Variants in FANCA observed in about 807,000 individuals in gnomAD.
FANCA encodes Fanconi anemia group A protein.
In FANCA, 236 loss-of-function variants were observed where a neutral mutation model predicts 194.3. The observed-to-expected ratio is 1.21, with a 90% CI of 1.09 to 1.35. The LOEUF is 1.35. Among genes scored for constraint, FANCA ranks in the 40% most tolerant of loss-of-function variants. The probability of loss-of-function intolerance (pLI) is 0.00; values close to 1 mark genes in which losing one functional copy is unlikely to be tolerated. For missense variants in FANCA, 2,628 were observed against 1,813.9 expected (o/e 1.45, Z -8.15); for synonymous variants, 1,014 against 715.8 (o/e 1.42, Z -6.65).
Position 89,789,704 on chromosome 16 carries a change from G to A in FANCA, c.1359+1699C>T, listed in dbSNP as rs527243953. 2.9e-4 allele frequency among the ~76,000 whole-genome samples: 44 copies of A among 152,158 alleles called. No individual in the cohort carries two copies. The Middle Eastern group carries it at 0.014, about 47-fold the overall frequency. On this transcript the variant is annotated intron_variant, in intron 14 of 42. Coordinates refer to ENST00000389301, the MANE Select transcript of FANCA (RefSeq NM_000135.4). The stretch of plus-strand genomic sequence containing the variant: ...TCCTCCTGCCTAGGCCTCCCAAACT[G>A]CTGAGATTACAGGCATGAGCCACTG...
At chr16:89,758,335 C>T (rs1015108516) in intron 30 of FANCA, among the ~76,000 whole-genome samples, 21 of 152,242 alleles carry the variant, frequency 1.4e-4, no homozygotes, top group African/African-American at 5.1e-4. Flanking sequence ...AGTAAGGCCT[C>T]ATCGGTGTGT....
Position 89,767,238 on chromosome 16 carries a change from C to G in FANCA, c.2505-1G>C, listed in dbSNP as rs1438990537. 1.2e-6 allele frequency: 2 copies of G among 1,600,024 alleles called. No homozygotes were observed. The highest frequency in any genetic ancestry group is 2.2e-5 in the South Asian group (2 of 90,838). ...GTAAGAAATTGCTGCTGTACAAAAT[C>G]TGAAAACAGAAATTATAACATATAA... is the stretch of plus-strand genomic sequence containing the variant. On this transcript the variant is annotated splice_acceptor_variant, in intron 26 of 42. Transcript: ENST00000389301. LOFTEE classifies it high-confidence loss of function.
chr16:89,815,338 T>C (rs1030341568), intron 2 of FANCA, among the ~76,000 whole-genome samples: 9 of 24,754 alleles, frequency 3.6e-4, no homozygotes, highest in Non-Finnish European at 5.8e-4. Context: ...CGCCCGGCTT[T>C]TTTTTTTTTT....
chr16:89,743,750 G>A (rs184033033), intron 36 of FANCA, among the ~76,000 whole-genome samples: 2 of 152,230 alleles, frequency 1.3e-5, no homozygotes, highest in African/African-American at 4.8e-5. Flanking sequence ...TTGAACCTGG[G>A]AGGCGGAGGT....
At chr16:89,754,818 T>C (rs1245914703) in intron 30 of FANCA, among the ~76,000 whole-genome samples, 2 of 152,194 alleles carry the variant, frequency 1.3e-5, no homozygotes, top group Admixed American at 6.5e-5. Flanking sequence ...AGACTCGCTA[T>C]CACTGAGATG....
At chr16:89,770,291 A>G in intron 24 of FANCA, 32 bp from the exon 25 acceptor site, 1 of 1,521,284 alleles carries the variant, frequency 6.6e-7, no homozygotes, top group Middle Eastern at 1.9e-4. Flanking sequence ...CATCAGTACT[A>G]GCCATTCAGT....
At chr16:89,753,411 G>C (rs966789565) in intron 30 of FANCA, among the ~76,000 whole-genome samples, 1 of 152,070 alleles carries the variant, frequency 6.6e-6, no homozygotes, top group East Asian at 1.9e-4. Context: ...CTCTCTCATC[G>C]CCGCACACAG....
At chr16:89,763,094 A>T (rs1345809169) in intron 28 of FANCA, among the ~76,000 whole-genome samples, 4 of 151,464 alleles carry the variant, frequency 2.6e-5, no homozygotes, top group Non-Finnish European at 4.4e-5. Flanking sequence ...AAAAATACAA[A>T]AAGTTAGCTG....
chr16:89,780,228 G>C (rs570097006), intron 17 of FANCA, among the ~76,000 whole-genome samples: 3 of 152,258 alleles, frequency 2.0e-5, no homozygotes, highest in Admixed American at 1.3e-4. Context: ...GCTCAGCTCT[G>C]CTGAGAGCCT....
At chr16:89,746,289 C>T (rs2038384923) in intron 35 of FANCA, among the ~76,000 whole-genome samples, 1 of 152,234 alleles carries the variant, frequency 6.6e-6, no homozygotes, top group Admixed American at 6.5e-5. Flanking sequence ...CAAACAAGCC[C>T]TGCACCCCTG....
At chr16:89,760,085 T>A (rs891064678) in intron 29 of FANCA, among the ~76,000 whole-genome samples, 2 of 152,204 alleles carry the variant, frequency 1.3e-5, no homozygotes, top group African/African-American at 4.8e-5. Flanking sequence ...ACTTAAGTAA[T>A]TCAGAAAAGA....
intron 33 of FANCA, among the ~76,000 whole-genome samples, chr16:89,748,131 C>T (rs1389977919): frequency 1.3e-5 from 2 of 152,164 alleles, no homozygotes; most frequent in South Asian, 2.1e-4. Flanking sequence ...AGGCTGGTCT[C>T]GAACTCCTGG....
chr16:89,791,117 A>C (rs2040060164), intron 14 of FANCA: 1 of 438,774 alleles, frequency 2.3e-6, no homozygotes, highest in Non-Finnish European at 4.2e-6. Flanking sequence ...AGACAGCAGG[A>C]GGCTCCGTCA....
At chr16:89,777,857 T>C (rs956781777) in intron 20 of FANCA, among the ~76,000 whole-genome samples, 1 of 151,834 alleles carries the variant, frequency 6.6e-6, no homozygotes, top group African/African-American at 2.4e-5. Context: ...ACTGAAACAT[T>C]TTCTTTCACT....
intron 7 of FANCA, among the ~76,000 whole-genome samples, chr16:89,804,865 C>G (rs1256969731): frequency 1.3e-5 from 2 of 151,882 alleles, no homozygotes; most frequent in East Asian, 3.9e-4. Context: ...AACCCCGTCT[C>G]TACTAAAAAT....
In FANCA at chr16:89,737,735, CAT is replaced by C. The variant is rs1269280347; in HGVS notation, c.*864_*865del. 4.4e-6 allele frequency: 7 copies of C among 1,604,058 alleles called. No individual in the cohort carries two copies. Among genetic ancestry groups the C allele is most frequent in the Non-Finnish European group, 6.0e-6 (7 of 1,172,782 alleles). On this transcript the variant is annotated 3_prime_UTR_variant, in exon 43 of 43. Transcript: ENST00000389301. The stretch of plus-strand genomic sequence containing the variant: ...TGTCTTCCCAGCTGTGATGGTTTCA[CAT>C]TGTCATCGTCGTCCCCCCGGGAGGT...
At chr16:89,799,478 T>G (rs2040365433) in intron 9 of FANCA, 127 bp downstream of exon 9, 1 of 1,049,018 alleles carries the variant, frequency 9.5e-7, no homozygotes, top group African/African-American at 1.6e-5. Context: ...GGCATTCCAG[T>G]ACCAGGACTC....
Position 89,782,918 on chromosome 16 carries a change from C to G in FANCA, c.1567G>C (p.Val523Leu), listed in dbSNP as rs757157897. The part of the protein sequence containing the change: ...LAKTRLADLK[V>L]SIENMGLYED... ...TAGAGTCCCATGTTTTCTATAGAAA[C>G]CTTCAGGGAAGACACAGAATGAGAA... Residue 523 changes from valine to leucine, a missense_variant and splice_region_variant, in exon 17 of 43, where the codon GTT becomes CTT. Coordinates refer to ENST00000389301, the MANE Select transcript of FANCA (RefSeq NM_000135.4). The G allele has an allele frequency of 1.2e-6, 2 of 1,613,914 alleles. No homozygotes were observed.
intron 1 of FANCA, 155 bp downstream of exon 1, chr16:89,816,382 C>CGCCGCCCCAGCCGG: frequency 3.9e-6 from 2 of 506,490 alleles, no homozygotes; most frequent in Non-Finnish European, 5.9e-6. Context: ...GAGGCAGCCG[C>CGCCGCCCCAGCCGG]GCCGCCCCAG....
Sources: gnomAD v4.1 joint callset for allele counts (sites outside exome capture counted in the v4.1 genomes callset) on GRCh38, gnomAD v4.1.1 for gene constraint, MANE v1.5 for transcripts, NCBI Gene and HGNC (gene_info 2026-07-23, HGNC 2026-07-21) for gene names.